F11: variants seen among roughly 807,000 people sequenced by gnomAD.
F11 encodes coagualtion factor XI.
A neutral mutation model predicts 76.5 loss-of-function variants in F11; 78 were observed. That is an observed-to-expected ratio of 1.02 (90% CI 0.85 to 1.23). The LOEUF is 1.23. Among genes scored for constraint, F11 ranks in the 50% most tolerant of loss-of-function variants. F11 has a pLI of 0.00. For missense variants in F11, 742 were observed against 771.4 expected (o/e 0.96, Z 0.45); for synonymous variants, 278 against 276.3 (o/e 1.01, Z -0.06).
rs1408519775 is a variant in F11 at position 186,280,481 on chromosome 4, T to C, written c.1036T>C (p.Cys346Arg). 4 of 1,614,062 alleles carry C rather than the reference T, an allele frequency of 2.5e-6. No individual in the cohort carries two copies. The highest frequency in any genetic ancestry group is 1.3e-5 in the African/African-American group (1 of 74,908). Residue 346 changes from cysteine (C) to arginine (R), a missense_variant, in exon 10 of 15, where the codon TGT becomes CGT. Transcript: ENST00000403665. ...QASCNEGKGK[C>R]YLKLSSNGSP... ...TTTTGTTTCCAACTGCAGGGGCAAG[T>C]GTTACTTAAAGCTTTCTTCAAACGG...
intron 10 of F11, chr4:186,282,368 T>C (rs996053213): frequency 1.0e-6 from 1 of 985,300 alleles, no homozygotes; most frequent in Non-Finnish European, 1.2e-6. Flanking sequence ...GTGAATTAGA[T>C]AACTAGGTTT....
Position 186,283,613 on chromosome 4 carries a change from C to T in F11, c.1136-479C>T, listed in dbSNP as rs4253856. On this transcript the variant is annotated intron_variant, in intron 10 of 14. Coordinates refer to ENST00000403665, the MANE Select transcript of F11 (RefSeq NM_000128.4). ...GGAACTGGACAATGGCTGCAGCCTG[C>T]GGGCAAGGTGCTTGCCTTTTCTTTC... Among the ~76,000 whole-genome samples, 457 of 152,328 alleles carry T rather than the reference C, an allele frequency of 3.0e-3. 3 individuals are homozygous for T. Among genetic ancestry groups the T allele is most frequent in the African/African-American group, 0.011 (446 of 41,568 alleles).
rs552068571 is a variant in F11, at chr4:186,286,226, T to C, written c.1481-189T>C. 2.7e-4 allele frequency: 163 copies of C among 599,118 alleles called. No homozygotes were observed. The East Asian group carries it at 3.4e-3, about 13-fold the overall frequency. 37.1% of individuals were successfully genotyped at this position (599,118 alleles called of 1,614,324 possible). A position where few individuals can be genotyped will look rare whatever the true frequency, so the allele number is the denominator to read the frequency against. ...GGTGAGGGTGAGGCTTGTCTCTCTC[T>C]CGCCCTCTCATCCTGGCACATGTGC... On this transcript the variant is annotated intron_variant, in intron 12 of 14. Coordinates refer to ENST00000403665, the MANE Select transcript of F11 (RefSeq NM_000128.4).
rs773484053 is a variant in F11 at position 186,285,799 on chromosome 4, C to G, written c.1466C>G (p.Thr489Arg). Residue 489 changes from threonine to arginine, a missense_variant, in exon 12 of 15, where the codon ACA becomes AGA. By Grantham distance (71) the Thr-to-Arg change is moderately conservative. Transcript: ENST00000403665. Reference sequence around the variant, plus strand: ...ATTGCCTTGTTGAAACTGGAAACCACAGTGAATTACACAGGTACGGAGAAT... The same window carrying G: ...ATTGCCTTGTTGAAACTGGAAACCAGAGTGAATTACACAGGTACGGAGAAT... The part of the protein sequence containing the change: ...YDIALLKLET[T>R]VNYTDSQRPI... The G allele has an allele frequency of 6.2e-7, 1 of 1,614,162 alleles. No individual in the cohort carries two copies. The highest frequency in any genetic ancestry group is 1.1e-5 in the South Asian group (1 of 91,084).
Position 186,285,065 on chromosome 4 carries a change from T to C in F11, c.1305-573T>C, listed in dbSNP as rs72710598. On this transcript the variant is annotated intron_variant, in intron 11 of 14. Transcript: ENST00000403665. The stretch of plus-strand genomic sequence containing the variant: ...AAGGCTCCAGCTGGGGGTATATATA[T>C]TCCAGGGAAGTTAAGTTGGCCAAAC... 2.5e-3 allele frequency among the ~76,000 whole-genome samples: 383 copies of C among 152,318 alleles called. 1 individual carries two copies. The highest frequency in any genetic ancestry group is 4.2e-3 in the Non-Finnish European group (286 of 68,022).
rs5973 is a variant in F11 at position 186,274,219 on chromosome 4, C to T, written c.429C>T (p.Asp143=). ...AATGCCAAGAAAGATGCACGGATGA[C>T]GTCCACTGCCACTTTTTCACGTACG... ...AQECQERCTD[D]VHCHFFTYAT... Residue 143 remains aspartate, a synonymous_variant, in exon 5 of 15, where the codon GAC becomes GAT. Coordinates refer to ENST00000403665, the MANE Select transcript of F11 (RefSeq NM_000128.4). 54,837 of 1,614,124 alleles carry T rather than the reference C, an allele frequency of 0.034. 1,649 individuals carry two copies. The highest frequency in any genetic ancestry group is 0.15 in the African/African-American group (11,262 of 74,996).
At chr4:186,289,959 G>C (rs1488371702), downstream of F11, among the ~76,000 whole-genome samples, 1 of 152,144 alleles carries the variant, frequency 6.6e-6, no homozygotes, top group Non-Finnish European at 1.5e-5. Flanking sequence ...GGGATTACAG[G>C]TGTGAGTCAC....
At chr4:186,281,728 G>A (rs111633000) in intron 10 of F11, among the ~76,000 whole-genome samples, 2 of 152,158 alleles carry the variant, frequency 1.3e-5, no homozygotes, top group African/African-American at 4.8e-5. Context: ...TACACTATAA[G>A]GTGCAACTGA....
chr4:186,272,988 G>C (rs1740090897), intron 3 of F11, 83 bp from the exon 4 acceptor site: 1 of 870,300 alleles, frequency 1.1e-6, no homozygotes, highest in Non-Finnish European at 1.9e-6. Flanking sequence ...CTTCTTTTTG[G>C]CTTTCTGTGT....
Position 186,286,406 on chromosome 4 carries a change from T to C in F11, c.1481-9T>C. On this transcript the variant is annotated splice_polypyrimidine_tract_variant and intron_variant, in intron 12 of 14. Coordinates refer to ENST00000403665, the MANE Select transcript of F11 (RefSeq NM_000128.4). ...GTCTCATATTTAAACCACGATTTTT[T>C]AAATTTAGATTCTCAACGACCCATA... 1 of 1,612,952 alleles carries C rather than the reference T, an allele frequency of 6.2e-7. No homozygotes were observed. Among genetic ancestry groups the C allele is most frequent in the Non-Finnish European group, 8.5e-7 (1 of 1,179,062 alleles).
chr4:186,284,981 G>C (rs953053425), intron 11 of F11, among the ~76,000 whole-genome samples: 1 of 151,980 alleles, frequency 6.6e-6, no homozygotes, highest in Non-Finnish European at 1.5e-5. Flanking sequence ...GAACGAGTTC[G>C]GTATGCATCC....
At chr4:186,276,977 T>C (rs1162408677) in intron 7 of F11, among the ~76,000 whole-genome samples, 1 of 152,176 alleles carries the variant, frequency 6.6e-6, no homozygotes, top group Admixed American at 6.5e-5. Context: ...TACTGTGTAG[T>C]GGTGAAGTCT....
intron 3 of F11, among the ~76,000 whole-genome samples, chr4:186,272,555 T>A (rs968194845): frequency 3.3e-5 from 5 of 152,200 alleles, no homozygotes; most frequent in Non-Finnish European, 5.9e-5. Context: ...GTTTTCAACA[T>A]CTTTATTATT....
At chr4:186,269,771 T>C (rs556795519) in intron 2 of F11, among the ~76,000 whole-genome samples, 9 of 152,160 alleles carry the variant, frequency 5.9e-5, no homozygotes, top group Non-Finnish European at 1.3e-4. Flanking sequence ...TCTGTCATAA[T>C]AAAAAATAAA....
intron 11 of F11, among the ~76,000 whole-genome samples, chr4:186,284,994 A>G (rs1361017974): frequency 6.6e-6 from 1 of 152,102 alleles, no homozygotes; most frequent in Admixed American, 6.6e-5. Flanking sequence ...ATGCATCCTC[A>G]CATTGGATTC....
intron 7 of F11, among the ~76,000 whole-genome samples, chr4:186,276,848 C>T (rs1332504193): frequency 6.6e-6 from 1 of 152,072 alleles, no homozygotes; most frequent in African/African-American, 2.4e-5. Context: ...CTCGGCCTCC[C>T]AAAGTGCTGA....
At position 186,285,736 on chromosome 4, in the gene F11, T is replaced by C. The variant is rs371049900; in HGVS notation, c.1403T>C (p.Ile468Thr). The C allele has an allele frequency of 6.2e-7, 1 of 1,614,122 alleles. No individual in the cohort carries two copies. Among genetic ancestry groups the C allele is most frequent in the Non-Finnish European group, 8.5e-7 (1 of 1,179,986 alleles). ...TSFFGVQEII[I>T]HDQYKMAESG... Reference sequence around the variant, plus strand: ...TTCTTTGGGGTTCAAGAAATAATAATCCATGATCAGTATAAAATGGCAGAA... The same window carrying C: ...TTCTTTGGGGTTCAAGAAATAATAACCCATGATCAGTATAAAATGGCAGAA... The change falls in exon 12 of 15, where the codon ATC becomes ACC. Residue 468 changes from isoleucine to threonine, a missense_variant. By Grantham distance (89) the Ile-to-Thr change is moderately conservative. Transcript: ENST00000403665.
chr4:186,277,670 T>C (rs971988000), intron 7 of F11, among the ~76,000 whole-genome samples: 2 of 151,934 alleles, frequency 1.3e-5, no homozygotes, highest in African/African-American at 4.8e-5. Context: ...GTTAGGGTGG[T>C]GGTGGAGGGA....
chr4:186,285,909 C>A, intron 12 of F11, 96 bp downstream of exon 12: 1 of 1,280,648 alleles, frequency 7.8e-7, no homozygotes, highest in Non-Finnish European at 1.1e-6. Context: ...CCAATCTCTC[C>A]ATGCGTTATC....
Sources: gnomAD v4.1 joint callset for allele counts (sites outside exome capture counted in the v4.1 genomes callset) on GRCh38, gnomAD v4.1.1 for gene constraint, MANE v1.5 for transcripts, NCBI Gene and HGNC (gene_info 2026-07-23, HGNC 2026-07-21) for gene names.